RNLS: variants seen among roughly 807,000 people sequenced by gnomAD.
RNLS encodes the protein renalase.
A neutral mutation model predicts 39.8 loss-of-function variants in RNLS; 39 were observed. The observed-to-expected ratio is 0.98, with a 90% CI of 0.76 to 1.28. The LOEUF (loss-of-function observed/expected upper bound fraction) is 1.28, where lower values mean the gene tolerates loss of function less well. Ranked by LOEUF, RNLS falls within the 50% of genes most tolerant of loss-of-function variation. The pLI, the probability that RNLS is intolerant of heterozygous loss-of-function variation, is 0.00. For missense variants in RNLS, 410 were observed against 413.3 expected, an observed-to-expected ratio of 0.99 and a Z score of 0.07; for synonymous variants, 147 against 150.7, an observed-to-expected ratio of 0.98 and a Z score of 0.18.
intron 4 of RNLS, among the ~76,000 whole-genome samples, chr10:88,500,534 CTTGT>C (rs996195298): frequency 1.3e-5 from 2 of 152,214 alleles, no homozygotes; most frequent in African/African-American, 4.8e-5. Flanking sequence ...CTTTTACATG[CTTGT>C]TTTATTTCAC....
In RNLS at chr10:88,285,083, A is replaced by AT; in HGVS notation, c.*270dup. The AT allele has an allele frequency of 1.1e-6, 1 of 920,002 alleles. No homozygotes were observed. Among genetic ancestry groups the AT allele is most frequent in the Non-Finnish European group, 1.3e-6 (1 of 769,088 alleles). 57.0% of individuals were successfully genotyped at this position (920,002 alleles called of 1,614,324 possible). A position where few individuals can be genotyped will look rare whatever the true frequency, so the allele number is the denominator to read the frequency against. On this transcript the variant is annotated 3_prime_UTR_variant, in exon 7 of 7. Coordinates refer to ENST00000331772, the MANE Select transcript of RNLS (RefSeq NM_001031709.3). ...AATTTTTTTGAGAGAGTCGTTTGTT[A>AT]TTTTTTAAGTACCACTTTTCCTCCA...
At chr10:88,172,803 T>A in the RNLS span, among the ~76,000 whole-genome samples, 3 of 149,540 alleles carry the variant, frequency 2.0e-5, no homozygotes. Flanking sequence ...AGTTTAATAG[T>A]TTGGGGTCTT....
intron 4 of RNLS, among the ~76,000 whole-genome samples, chr10:88,433,908 G>C (rs1367365966): frequency 1.3e-5 from 2 of 152,070 alleles, no homozygotes; most frequent in Non-Finnish European, 2.9e-5. Flanking sequence ...TTTTATCTCT[G>C]GTTGATAGTG....
intron 4 of RNLS, among the ~76,000 whole-genome samples, chr10:88,369,834 A>C (rs1420117098): frequency 2.6e-5 from 4 of 151,994 alleles, no homozygotes; most frequent in Non-Finnish European, 5.9e-5. Flanking sequence ...CACATGCCAC[A>C]CACCTGGCTA....
At chr10:88,279,157 G>T (rs1842920076), downstream of RNLS, among the ~76,000 whole-genome samples, 1 of 152,168 alleles carries the variant, frequency 6.6e-6, no homozygotes, top group East Asian at 1.9e-4. Flanking sequence ...TCATTCAAGA[G>T]TCAGTAAGAA....
At chr10:88,409,802 A>G (rs1268818445) in intron 4 of RNLS, among the ~76,000 whole-genome samples, 4 of 152,150 alleles carry the variant, frequency 2.6e-5, no homozygotes, top group Non-Finnish European at 5.9e-5. Context: ...TCATTTTTTA[A>G]GAGAAATTGC....
chr10:88,234,991 G>T, the RNLS span, among the ~76,000 whole-genome samples: 17 of 152,122 alleles, frequency 1.1e-4, no homozygotes, highest in African/African-American at 4.1e-4. Context: ...GCCGGGCGCG[G>T]TGGCTCAAGC....
chr10:88,328,241 A>C (rs1846783518), intron 5 of RNLS, among the ~76,000 whole-genome samples: 1 of 151,746 alleles, frequency 6.6e-6, no homozygotes, highest in South Asian at 2.1e-4. Flanking sequence ...AATTAGAACA[A>C]TCTCATTGAT....
chr10:88,302,050 T>C (rs1844569267), intron 6 of RNLS, among the ~76,000 whole-genome samples: 1 of 152,226 alleles, frequency 6.6e-6, no homozygotes, highest in Admixed American at 6.5e-5. Flanking sequence ...CTGTAGTAAA[T>C]GTTTTCTACT....
At chr10:88,244,037 G>A in the RNLS span, among the ~76,000 whole-genome samples, 3 of 152,140 alleles carry the variant, frequency 2.0e-5, no homozygotes, top group South Asian at 2.1e-4. Flanking sequence ...CAGCATTTGC[G>A]TGCAAAATGG....
chr10:88,317,288 A>G lies in RNLS; in HGVS notation c.701-2647T>C, dbSNP rs147381947. Among the ~76,000 whole-genome samples, 389 of 152,322 alleles carry G rather than the reference A, an allele frequency of 2.6e-3. 3 individuals are homozygous for G. Among genetic ancestry groups the G allele is most frequent in the African/African-American group, 8.0e-3 (332 of 41,568 alleles). Reference sequence around the variant, plus strand: ...GCTTCACTTTTTTCCATCAATTAAAAGGGAGCAACACTACTGACCTTACAA... The same window carrying G: ...GCTTCACTTTTTTCCATCAATTAAAGGGGAGCAACACTACTGACCTTACAA... On this transcript the variant is annotated intron_variant, in intron 5 of 6. Coordinates refer to ENST00000331772, the MANE Select transcript of RNLS (RefSeq NM_001031709.3).
At chr10:88,217,976 G>A in the RNLS span, among the ~76,000 whole-genome samples, 1 of 152,162 alleles carries the variant, frequency 6.6e-6, no homozygotes, top group Non-Finnish European at 1.5e-5. Context: ...GGAGGCAGAG[G>A]TTGCAGTGAG....
intron 4 of RNLS, among the ~76,000 whole-genome samples, chr10:88,527,058 C>A (rs777479231): frequency 1.1e-4 from 17 of 152,038 alleles, no homozygotes; most frequent in Admixed American, 1.1e-3. Flanking sequence ...ACTTCTCAAC[C>A]TCATCAAGGC....
At chr10:88,274,938 T>C (rs750530198) in exon 7 of RNLS, 1 of 1,590,884 alleles carries the variant, frequency 6.3e-7, no homozygotes, top group South Asian at 1.1e-5. Context: ...AAAACCTGAC[T>C]GTGTGCTCCA....
intron 4 of RNLS, among the ~76,000 whole-genome samples, chr10:88,513,721 A>G (rs1846269146): frequency 6.6e-6 from 1 of 152,242 alleles, no homozygotes; most frequent in Admixed American, 6.6e-5. Flanking sequence ...TATTTCCTAG[A>G]AATTAAATTG....
At chr10:88,440,863 G>A (rs1259249863) in intron 4 of RNLS, among the ~76,000 whole-genome samples, 1 of 152,168 alleles carries the variant, frequency 6.6e-6, no homozygotes, top group Non-Finnish European at 1.5e-5. Flanking sequence ...TGTCCCCTTA[G>A]TCTGCTGAGA....
intron 5 of RNLS, among the ~76,000 whole-genome samples, chr10:88,315,601 G>A (rs190401853): frequency 2.6e-5 from 4 of 152,248 alleles, no homozygotes; most frequent in African/African-American, 9.6e-5. Context: ...CCTGATTCTG[G>A]AAATTCTTTA....
intron 4 of RNLS, among the ~76,000 whole-genome samples, chr10:88,507,268 C>T (rs919784786): frequency 5.3e-5 from 8 of 151,986 alleles, no homozygotes; most frequent in East Asian, 1.9e-4. Flanking sequence ...GACACACACA[C>T]GCACACACAC....
chr10:88,363,451 T>C (rs1237644065), intron 4 of RNLS, among the ~76,000 whole-genome samples: 1 of 152,066 alleles, frequency 6.6e-6, no homozygotes, highest in Non-Finnish European at 1.5e-5. Flanking sequence ...CATACACACA[T>C]GCACACAAAT....
Sources: allele counts gnomAD v4.1 joint callset (sites outside exome capture counted in the v4.1 genomes callset), GRCh38; gene constraint gnomAD v4.1.1; transcripts MANE v1.5; gene names NCBI Gene and HGNC (gene_info 2026-07-23, HGNC 2026-07-21).